The following COL4A2 variants were observed in gnomAD, a reference collection of about 807,000 sequenced individuals.
COL4A2 encodes collagen type IV alpha 2 chain.
Under a neutral mutation model 200.2 loss-of-function variants are expected in COL4A2, and 99 were observed. That is an observed-to-expected ratio of 0.49 (90% CI 0.42 to 0.58). The LOEUF is 0.58. COL4A2 is among the 20% of genes least tolerant of loss of function. The pLI is 0.00. For missense variants in COL4A2, 1,950 were observed against 2,314.1 expected, an observed-to-expected ratio of 0.84 and a Z score of 3.23; for synonymous variants, 897 against 900.6, an observed-to-expected ratio of 1.00 and a Z score of 0.07.
Position 110,450,087 on chromosome 13 carries a change from T to C in COL4A2, c.1190-218T>C, listed in dbSNP as rs376565652. The stretch of plus-strand genomic sequence containing the variant: ...ATCATCAGGTGTTGTTGCCCAGTGT[T>C]GATCACAACTATCAAGCCATTATTT... On this transcript the variant is annotated intron_variant, in intron 19 of 47. Coordinates refer to ENST00000360467, the MANE Select transcript of COL4A2 (RefSeq NM_001846.4). Among the ~76,000 whole-genome samples the C allele has an allele frequency of 1.1e-4, 17 of 152,210 alleles. 1 individual carries two copies. Among genetic ancestry groups the C allele is most frequent in the Admixed American group, 7.8e-4 (12 of 15,290 alleles).
chr13:110,505,151 CCATCCTGGCTAA>C (rs1454777557), intron 45 of COL4A2, among the ~76,000 whole-genome samples: 5 of 151,138 alleles, frequency 3.3e-5, no homozygotes, highest in South Asian at 2.1e-4. Flanking sequence ...GAGATCGAGA[CCATCCTGGCTAA>C]CACGGTGAAA....
chr13:110,320,325 C>T (rs1199323676), intron 3 of COL4A2, among the ~76,000 whole-genome samples: 1 of 152,210 alleles, frequency 6.6e-6, no homozygotes, highest in East Asian at 1.9e-4. Flanking sequence ...TGGCACCTCC[C>T]CTGGACTCCC....
intron 4 of COL4A2, among the ~76,000 whole-genome samples, chr13:110,378,959 G>C (rs959739466): frequency 3.9e-5 from 6 of 152,164 alleles, no homozygotes; most frequent in African/African-American, 1.4e-4. Context: ...CGCACTCTCC[G>C]GCTCCTGTAA....
At position 110,438,044 on chromosome 13, in the gene COL4A2, C is replaced by T. The variant is rs745988427; in HGVS notation, c.861+7C>T. On this transcript the variant is annotated splice_region_variant and intron_variant, in intron 14 of 47. Transcript: ENST00000360467. The stretch of plus-strand genomic sequence containing the variant: ...GGGGGAACCAGGAATAAGAGTAAGT[C>T]GAGTAATGAGCATGCCCCCTCCCCT... 25 of 1,612,498 alleles carry T rather than the reference C, an allele frequency of 1.6e-5. No homozygotes were observed. The Admixed American group carries it at 2.5e-4, about 16-fold the overall frequency.
chr13:110,316,695 C>T (rs909405178), intron 3 of COL4A2, among the ~76,000 whole-genome samples: 2 of 152,124 alleles, frequency 1.3e-5, no homozygotes, highest in African/African-American at 4.8e-5. Context: ...CTCTAAGCCA[C>T]GGATGGTTCA....
intron 4 of COL4A2, among the ~76,000 whole-genome samples, chr13:110,399,938 T>C (rs1879313979): frequency 6.6e-6 from 1 of 152,228 alleles, no homozygotes; most frequent in Non-Finnish European, 1.5e-5. Flanking sequence ...TCTAGATGAA[T>C]TGAGTAATCT....
At chr13:110,380,272 C>G (rs1297315589) in intron 4 of COL4A2, among the ~76,000 whole-genome samples, 1 of 152,070 alleles carries the variant, frequency 6.6e-6, no homozygotes, top group Admixed American at 6.5e-5. Context: ...AGGGGAGGGT[C>G]GAACAGAGAA....
Position 110,457,095 on chromosome 13 carries a change from C to T in COL4A2, c.1340-248C>T, listed in dbSNP as rs555579368. The T allele has an allele frequency of 3.3e-5, 11 of 334,850 alleles. 1 individual carries two copies. The highest frequency in any genetic ancestry group is 7.3e-5 in the South Asian group (4 of 55,090). The allele number at this position is 334,850 out of a possible 1,614,324, so 20.7% of individuals were successfully genotyped here. ...GCGTCTGCGTGGGACCCCAGGCGTC[C>T]GTGGGGCTGATGCCGTGCATCTGCG... is the stretch of plus-strand genomic sequence containing the variant. On this transcript the variant is annotated intron_variant, in intron 20 of 47. Coordinates refer to ENST00000360467, the MANE Select transcript of COL4A2 (RefSeq NM_001846.4).
chr13:110,492,285 G>A (rs1468516010), intron 38 of COL4A2, 108 bp downstream of exon 38: 14 of 933,148 alleles, frequency 1.5e-5, no homozygotes, highest in East Asian at 2.7e-5. Context: ...AGGCCCATAC[G>A]AGAGCAAAGG....
chr13:110,348,469 T>G (rs1038481026), intron 3 of COL4A2, among the ~76,000 whole-genome samples: 1 of 152,362 alleles, frequency 6.6e-6, no homozygotes, highest in South Asian at 2.1e-4. Context: ...TGGAATTATT[T>G]CCTTAATTTC....
At chr13:110,441,808 C>G (rs1440793581) in intron 16 of COL4A2, among the ~76,000 whole-genome samples, 1 of 151,854 alleles carries the variant, frequency 6.6e-6, no homozygotes, top group African/African-American at 2.4e-5. Context: ...TTTAAAAGTG[C>G]ATTTCCAGGT....
At chr13:110,394,416 C>A (rs1052357021) in intron 4 of COL4A2, among the ~76,000 whole-genome samples, 10 of 152,184 alleles carry the variant, frequency 6.6e-5, no homozygotes, top group African/African-American at 2.4e-4. Context: ...GACATTCGCA[C>A]AAGTAGAGAG....
intron 17 of COL4A2, 127 bp downstream of exon 17, chr13:110,446,009 C>A: frequency 1.1e-6 from 1 of 944,658 alleles, no homozygotes; most frequent in Non-Finnish European, 1.7e-6. Flanking sequence ...CCCAAATACA[C>A]GGCCTCTGAC....
At chr13:110,419,635 G>A (rs1439198200) in intron 4 of COL4A2, among the ~76,000 whole-genome samples, 1 of 152,164 alleles carries the variant, frequency 6.6e-6, no homozygotes, top group African/African-American at 2.4e-5. Flanking sequence ...CCACGGTCGT[G>A]GTATTTGAGT....
chr13:110,351,429 C>A (rs769810540), intron 3 of COL4A2, among the ~76,000 whole-genome samples: 2 of 152,136 alleles, frequency 1.3e-5, no homozygotes, highest in Non-Finnish European at 2.9e-5. Context: ...CCTCCCTTGC[C>A]GGCGTGGGTT....
intron 16 of COL4A2, among the ~76,000 whole-genome samples, chr13:110,442,655 C>T (rs1374679592): frequency 6.6e-6 from 1 of 152,172 alleles, no homozygotes; most frequent in Non-Finnish European, 1.5e-5. Flanking sequence ...GTCAGAACTT[C>T]TATTAGTTCC....
At chr13:110,331,481 C>A (rs1045206902) in intron 3 of COL4A2, among the ~76,000 whole-genome samples, 1 of 152,180 alleles carries the variant, frequency 6.6e-6, no homozygotes, top group Non-Finnish European at 1.5e-5. Flanking sequence ...TGCAGACTCA[C>A]GCCTGACCCT....
intron 4 of COL4A2, among the ~76,000 whole-genome samples, chr13:110,398,453 G>A (rs139799602): frequency 1.7e-3 from 254 of 152,308 alleles, no homozygotes; most frequent in African/African-American, 5.9e-3. Flanking sequence ...GAGGTCGGGA[G>A]TTCAAGACCA....
At chr13:110,474,377 CG>C (rs1566555028) in intron 29 of COL4A2, among the ~76,000 whole-genome samples, 2 of 152,152 alleles carry the variant, frequency 1.3e-5, no homozygotes, top group African/African-American at 4.8e-5. Flanking sequence ...AATTGGTTTT[CG>C]GATGAGCCTG....
Sources: allele counts gnomAD v4.1 joint callset (sites outside exome capture counted in the v4.1 genomes callset), GRCh38; gene constraint gnomAD v4.1.1; transcripts MANE v1.5; gene names NCBI Gene and HGNC (gene_info 2026-07-23, HGNC 2026-07-21).